The following SORCS2 variants were observed in gnomAD, a reference collection of about 807,000 sequenced individuals.
SORCS2 encodes sortilin related VPS10 domain containing receptor 2, also known as VPS10 domain-containing receptor SorCS2.
In SORCS2, 100 loss-of-function variants were observed where a neutral mutation model predicts 141.6. The observed-to-expected ratio is 0.71, with a 90% CI of 0.60 to 0.83. SORCS2 has a LOEUF of 0.83. Ranked by LOEUF, SORCS2 falls within the 40% of genes least tolerant of loss-of-function variation. The pLI is 0.00. For missense variants in SORCS2, 1,646 were observed against 1,560.2 expected, an observed-to-expected ratio of 1.05 and a Z score of -0.93; for synonymous variants, 789 against 676.9, an observed-to-expected ratio of 1.17 and a Z score of -2.57.
intron 1 of SORCS2, among the ~76,000 whole-genome samples, chr4:7,253,189 T>A (rs1483811543): frequency 6.6e-6 from 1 of 152,176 alleles, no homozygotes; most frequent in Non-Finnish European, 1.5e-5. Context: ...GGATGCCAGG[T>A]CTTATCGCCA....
chr4:7,493,330 G>A (rs925689294), intron 2 of SORCS2, among the ~76,000 whole-genome samples: 8 of 152,194 alleles, frequency 5.3e-5, no homozygotes, highest in East Asian at 1.9e-4. Flanking sequence ...ATGGGTTGGC[G>A]AATCCCATGT....
At chr4:7,444,183 A>G (rs1175052368) in intron 2 of SORCS2, among the ~76,000 whole-genome samples, 8 of 152,224 alleles carry the variant, frequency 5.3e-5, no homozygotes, top group African/African-American at 1.9e-4. Flanking sequence ...AGAGCCTACT[A>G]TGTGCTGAGT....
chr4:7,562,327 CA>C (rs10695685), intron 3 of SORCS2, among the ~76,000 whole-genome samples: 1 of 150,624 alleles, frequency 6.6e-6, no homozygotes, highest in East Asian at 2.0e-4. Flanking sequence ...GGCCCTGAGG[CA>C]AAAAAAAGGT....
At chr4:7,586,139 C>G (rs1456872175) in intron 3 of SORCS2, among the ~76,000 whole-genome samples, 2 of 152,176 alleles carry the variant, frequency 1.3e-5, no homozygotes, top group African/African-American at 4.8e-5. Flanking sequence ...TTGGGAACGC[C>G]TATGATTTGG....
At chr4:7,266,981 G>T (rs1277711622) in intron 1 of SORCS2, among the ~76,000 whole-genome samples, 2 of 151,922 alleles carry the variant, frequency 1.3e-5, no homozygotes, top group Non-Finnish European at 2.9e-5. Context: ...GGGGGTGGGG[G>T]AGGTGTGGCA....
chr4:7,732,990 C>G (rs1711820832), intron 23 of SORCS2, among the ~76,000 whole-genome samples: 1 of 150,568 alleles, frequency 6.6e-6, no homozygotes, highest in South Asian at 2.1e-4. Context: ...GAGCCACCCC[C>G]CAACTCTCCC....
intron 3 of SORCS2, among the ~76,000 whole-genome samples, chr4:7,551,302 T>G (rs1459239288): frequency 1.3e-5 from 2 of 152,244 alleles, no homozygotes; most frequent in African/African-American, 4.8e-5. Flanking sequence ...TCTTCCAGTT[T>G]GGTTCATCAG....
intron 3 of SORCS2, among the ~76,000 whole-genome samples, chr4:7,603,709 C>T (rs2108797844): frequency 6.6e-6 from 1 of 152,070 alleles, no homozygotes; most frequent in African/African-American, 2.4e-5. Context: ...GCCTCATTTC[C>T]TGGTATATTT....
At chr4:7,533,755 G>C (rs1204005682) in intron 3 of SORCS2, among the ~76,000 whole-genome samples, 1 of 152,250 alleles carries the variant, frequency 6.6e-6, no homozygotes, top group Non-Finnish European at 1.5e-5. Flanking sequence ...GTCAGACAGA[G>C]CTGCTTCTGC....
chr4:7,457,212 C>T (rs932641607), intron 2 of SORCS2, among the ~76,000 whole-genome samples: 1 of 152,226 alleles, frequency 6.6e-6, no homozygotes, highest in African/African-American at 2.4e-5. Flanking sequence ...TCTGTCTTCC[C>T]AGCCGCCATG....
intron 1 of SORCS2, among the ~76,000 whole-genome samples, chr4:7,207,134 A>G (rs916988613): frequency 1.3e-5 from 2 of 152,132 alleles, no homozygotes; most frequent in Non-Finnish European, 2.9e-5. Flanking sequence ...CAGAGGAATC[A>G]CCAGTTTCTG....
chr4:7,603,956 C>T (rs909399895), intron 3 of SORCS2, among the ~76,000 whole-genome samples: 2 of 152,044 alleles, frequency 1.3e-5, no homozygotes, highest in Non-Finnish European at 2.9e-5. Flanking sequence ...TAAAAACTTA[C>T]TAAGTTTTAG....
intron 4 of SORCS2, among the ~76,000 whole-genome samples, chr4:7,650,715 T>G (rs1231934214): frequency 1.7e-5 from 1 of 58,082 alleles, no homozygotes; most frequent in African/African-American, 6.4e-5. Context: ...CAGCCCTCTC[T>G]CCCCGCCCCG....
chr4:7,395,968 GC>G (rs1724184368), intron 1 of SORCS2, among the ~76,000 whole-genome samples: 1 of 152,244 alleles, frequency 6.6e-6, no homozygotes, highest in African/African-American at 2.4e-5. Flanking sequence ...CACTCCCTTT[GC>G]CACAGTTTGG....
At chr4:7,465,342 T>G (rs1729553093) in intron 2 of SORCS2, among the ~76,000 whole-genome samples, 1 of 152,230 alleles carries the variant, frequency 6.6e-6, no homozygotes, top group African/African-American at 2.4e-5. Context: ...GCACACATCT[T>G]GCGAGTTTCT....
intron 2 of SORCS2, among the ~76,000 whole-genome samples, chr4:7,449,261 CCCTCCCTCCCTTCCTCCCTCCCTT>C (rs1395399308): frequency 9.7e-4 from 4 of 4,128 alleles, no homozygotes; most frequent in Non-Finnish European, 2.8e-3. Context: ...CTCCCTCCCT[CCCTCCCTCCCTTCCTCCCTCCCTT>C]CCTCCCTCCC....
chr4:7,602,036 A>G (rs1004502379), intron 3 of SORCS2, among the ~76,000 whole-genome samples: 4 of 152,264 alleles, frequency 2.6e-5, no homozygotes, highest in Non-Finnish European at 5.9e-5. Context: ...TTTTCTTAGT[A>G]CAGAACAAAA....
intron 2 of SORCS2, among the ~76,000 whole-genome samples, chr4:7,460,353 A>C (rs1158769778): frequency 6.6e-6 from 1 of 152,182 alleles, no homozygotes; most frequent in Non-Finnish European, 1.5e-5. Context: ...TCGGTGGCCA[A>C]CGCAGCTTCC....
chr4:7,604,017 TGTG>T (rs1396730675), intron 3 of SORCS2, among the ~76,000 whole-genome samples: 2 of 152,126 alleles, frequency 1.3e-5, no homozygotes, highest in African/African-American at 4.8e-5. Context: ...GTGTGTTTGT[TGTG>T]TGTTGTGTGT....
Sources: gnomAD v4.1 joint callset for allele counts (sites outside exome capture counted in the v4.1 genomes callset) on GRCh38, gnomAD v4.1.1 for gene constraint, MANE v1.5 for transcripts, NCBI Gene and HGNC (gene_info 2026-07-23, HGNC 2026-07-21) for gene names.